ADGRL2: variants seen among roughly 807,000 people sequenced by gnomAD.
ADGRL2 encodes the protein calcium-independent alpha-latrotoxin receptor 2.
ADGRL2 carries 44 observed loss-of-function variants against 157.4 expected under a neutral mutation model. The ratio of observed to expected loss-of-function variants is 0.28; its 90% CI spans 0.22 to 0.36. The LOEUF is 0.36. Among genes scored for constraint, ADGRL2 ranks in the 10% least tolerant of loss-of-function variants. The probability of loss-of-function intolerance (pLI) is 1.00; values close to 1 mark genes in which losing one functional copy is unlikely to be tolerated. For synonymous variants in ADGRL2, 585 were observed against 624.7 expected (o/e 0.94, Z 0.95); for missense variants, 1,510 against 1,768.9 (o/e 0.85, Z 2.63).
chr1:81,607,443 C>A (rs1005185094), intron 3 of ADGRL2, among the ~76,000 whole-genome samples: 4 of 152,244 alleles, frequency 2.6e-5, no homozygotes, highest in East Asian at 1.9e-4. Flanking sequence ...TCCAACCAGG[C>A]TTTTCTAACC....
At chr1:81,617,226 G>T (rs145579318) in intron 3 of ADGRL2, among the ~76,000 whole-genome samples, 1 of 152,186 alleles carries the variant, frequency 6.6e-6, no homozygotes, top group East Asian at 1.9e-4. Context: ...ATAGGCGCAC[G>T]AACCCTATTG....
chr1:81,799,123 C>G (rs193120213), upstream of ADGRL2, among the ~76,000 whole-genome samples: 218 of 152,152 alleles, frequency 1.4e-3, 2 homozygotes, highest in South Asian at 0.018. Flanking sequence ...CTTGAAGTAG[C>G]CTGATTTAAT....
chr1:81,468,299 G>A (rs1045996193), intron 2 of ADGRL2, among the ~76,000 whole-genome samples: 5 of 152,132 alleles, frequency 3.3e-5, no homozygotes, highest in African/African-American at 1.2e-4. Context: ...GTCCCTAGGT[G>A]CTGATACTGG....
chr1:81,601,220 G>C (rs1303080322), intron 3 of ADGRL2, among the ~76,000 whole-genome samples: 3 of 152,204 alleles, frequency 2.0e-5, no homozygotes, highest in African/African-American at 7.2e-5. Flanking sequence ...GTAATAAATT[G>C]TGTGGGCTTT....
chr1:81,345,413 C>G (rs1159969287), intron 1 of ADGRL2, among the ~76,000 whole-genome samples: 1 of 152,174 alleles, frequency 6.6e-6, no homozygotes, highest in African/African-American at 2.4e-5. Flanking sequence ...AACCCTCTGG[C>G]CAAATAACTT....
At chr1:81,660,948 T>C (rs1437226833) in intron 3 of ADGRL2, among the ~76,000 whole-genome samples, 2 of 152,204 alleles carry the variant, frequency 1.3e-5, no homozygotes, top group Non-Finnish European at 2.9e-5. Flanking sequence ...AAGTGGATTT[T>C]GGGAAGGATT....
intron 3 of ADGRL2, among the ~76,000 whole-genome samples, chr1:81,606,103 C>T (rs532365005): frequency 6.6e-6 from 1 of 152,254 alleles, no homozygotes; most frequent in African/African-American, 2.4e-5. Flanking sequence ...GTCGTGAGCT[C>T]CTCTATCTTT....
At chr1:81,336,768 G>A (rs1419843121) in intron 1 of ADGRL2, among the ~76,000 whole-genome samples, 1 of 152,124 alleles carries the variant, frequency 6.6e-6, no homozygotes, top group Admixed American at 6.5e-5. Flanking sequence ...AGTCCCCGGT[G>A]AGGGCCCCAC....
chr1:81,413,298 C>A (rs958262446), intron 1 of ADGRL2, among the ~76,000 whole-genome samples: 5 of 151,910 alleles, frequency 3.3e-5, no homozygotes, highest in Non-Finnish European at 7.4e-5. Flanking sequence ...TCATCCTGGC[C>A]CCAAAAAGAA....
Position 81,824,973 on chromosome 1 carries a change from C to CTCTCTG in ADGRL2, c.-100-11907_-100-11906insGTCTCT, listed in dbSNP as rs1205948568. ...CCTCTCTCTCTCTCTCTCTCTCTCT[C>CTCTCTG]TCTCTCTCTGTCTTTCAGATTTTCA... On this transcript the variant is annotated intron_variant, in intron 1 of 23. Coordinates refer to ENST00000686636, the MANE Select transcript of ADGRL2 (RefSeq NM_001366006.2). Among the ~76,000 whole-genome samples the CTCTCTG allele has an allele frequency of 3.4e-5, 4 of 118,176 alleles. No homozygotes were observed. In the East Asian group the frequency reaches 7.8e-4, roughly 23 times the overall value. 77.5% of individuals were successfully genotyped at this position (118,176 alleles called of 152,430 possible). A position where few individuals can be genotyped will look rare whatever the true frequency, so the allele number is the denominator to read the frequency against.
chr1:81,671,156 G>A (rs964390396), intron 3 of ADGRL2, among the ~76,000 whole-genome samples: 3 of 152,170 alleles, frequency 2.0e-5, no homozygotes, highest in African/African-American at 4.8e-5. Context: ...CCAAGTATGT[G>A]CCTAACCTTC....
chr1:81,930,147 TGA>T (rs1432928303), intron 3 of ADGRL2, among the ~76,000 whole-genome samples: 1 of 152,192 alleles, frequency 6.6e-6, no homozygotes, highest in African/African-American at 2.4e-5. Context: ...CAATTTATTC[TGA>T]GAGTATAAGT....
intron 2 of ADGRL2, among the ~76,000 whole-genome samples, chr1:81,540,655 C>A (rs2079860964): frequency 6.6e-6 from 1 of 151,610 alleles, no homozygotes; most frequent in Non-Finnish European, 1.5e-5. Context: ...GCCCTAGGAA[C>A]CTGAGAAAAA....
chr1:81,799,391 G>T (rs185554005), upstream of ADGRL2, among the ~76,000 whole-genome samples: 23 of 152,288 alleles, frequency 1.5e-4, no homozygotes, highest in East Asian at 1.2e-3. Flanking sequence ...TCAGGTAGAA[G>T]AAATTAGATT....
At position 81,668,861 on chromosome 1, in the gene ADGRL2, C is replaced by A. The variant is rs139846504; in HGVS notation, c.-143+87881C>A. 4.5e-3 allele frequency among the ~76,000 whole-genome samples: 692 copies of A among 152,216 alleles called. 6 individuals are homozygous for A. The highest frequency in any genetic ancestry group is 0.015 in the African/African-American group (624 of 41,532). On this transcript the variant is annotated intron_variant, in intron 3 of 24. Coordinates refer to the ADGRL2 transcript ENST00000370721. ...CTGGGATTACAGGCGTGAGCCACTG[C>A]GCCTGGCCCACCTGCTTGTTTTAAC...
chr1:81,938,486 T>C (rs920016768), intron 4 of ADGRL2, among the ~76,000 whole-genome samples: 1 of 151,712 alleles, frequency 6.6e-6, no homozygotes, highest in African/African-American at 2.4e-5. Context: ...CTTGCAAAAT[T>C]TTACTTTTTC....
chr1:81,853,297 T>G (rs74095984), intron 2 of ADGRL2, among the ~76,000 whole-genome samples: 7,408 of 152,274 alleles, frequency 0.049, 566 homozygotes, highest in African/African-American at 0.17. Context: ...CAATCTAGTT[T>G]TTTTAGTAAA....
intron 2 of ADGRL2, among the ~76,000 whole-genome samples, chr1:81,771,607 G>T (rs2149347765): frequency 6.6e-6 from 1 of 152,228 alleles, no homozygotes; most frequent in South Asian, 2.1e-4. Context: ...TTTTCAGCAA[G>T]AATTCACACA....
chr1:81,912,279 C>T (rs1164498760), intron 3 of ADGRL2, among the ~76,000 whole-genome samples: 2 of 151,836 alleles, frequency 1.3e-5, no homozygotes, highest in East Asian at 3.9e-4. Flanking sequence ...ACCATATTGT[C>T]CAGGATGGTC....
Sources: allele counts gnomAD v4.1 joint callset (sites outside exome capture counted in the v4.1 genomes callset), GRCh38; gene constraint gnomAD v4.1.1; transcripts MANE v1.5; gene names NCBI Gene and HGNC (gene_info 2026-07-23, HGNC 2026-07-21).